RBFOX1: variants seen among roughly 807,000 people sequenced by gnomAD.
RBFOX1 encodes RNA binding protein fox-1 homolog 1.
RBFOX1 carries 8 observed loss-of-function variants against 57.7 expected under a neutral mutation model. The ratio of observed to expected loss-of-function variants is 0.14; its 90% CI spans 0.08 to 0.25. The LOEUF is 0.25. Among genes scored for constraint, RBFOX1 ranks in the 10% least tolerant of loss-of-function variants. The pLI is 1.00. For missense variants in RBFOX1, 611 were observed against 548.5 expected (o/e 1.11, Z -1.14); for synonymous variants, 326 against 222.4 (o/e 1.47, Z -4.15).
chr16:6,818,071 G>C (rs143514073), intron 3 of RBFOX1, among the ~76,000 whole-genome samples: 1 of 152,148 alleles, frequency 6.6e-6, no homozygotes, highest in African/African-American at 2.4e-5. Context: ...AACTATCTTA[G>C]ATGTCATGAT....
At chr16:5,735,951 G>A (rs1441371905) in intron 3 of RBFOX1, among the ~76,000 whole-genome samples, 1 of 152,162 alleles carries the variant, frequency 6.6e-6, no homozygotes, top group South Asian at 2.1e-4. Context: ...CCAGATGGGA[G>A]GAAGGCGCGG....
intron 4 of RBFOX1, among the ~76,000 whole-genome samples, chr16:7,391,806 G>T (rs956871200): frequency 6.6e-6 from 1 of 152,152 alleles, no homozygotes; most frequent in South Asian, 2.1e-4. Context: ...GTCGGTGGAT[G>T]GATGGAGAAA....
chr16:6,795,038 C>T lies in RBFOX1; in HGVS notation c.-16+140388C>T, dbSNP rs145491936. On this transcript the variant is annotated intron_variant, in intron 3 of 15. Transcript: ENST00000550418. Reference sequence around the variant, plus strand: ...GCTTAATTCTCTTTTCGTCATACTGCACATTTTCTCTTGATAGTTGATGTG... The same window carrying T: ...GCTTAATTCTCTTTTCGTCATACTGTACATTTTCTCTTGATAGTTGATGTG... 3.8e-4 allele frequency among the ~76,000 whole-genome samples: 58 copies of T among 152,266 alleles called. 1 individual carries two copies. The East Asian group carries it at 0.01, about 26-fold the overall frequency.
intron 3 of RBFOX1, among the ~76,000 whole-genome samples, chr16:7,001,392 G>T (rs71386444): frequency 0.02 from 1,695 of 83,832 alleles, 14 homozygotes; most frequent in East Asian, 0.041. Context: ...GTATGTGTAT[G>T]TGTATTTGTA....
At chr16:7,101,662 A>T (rs2062714625) in intron 4 of RBFOX1, among the ~76,000 whole-genome samples, 1 of 152,260 alleles carries the variant, frequency 6.6e-6, no homozygotes, top group Middle Eastern at 3.4e-3. Flanking sequence ...TGAAGGCAAG[A>T]TTTTAAGGCA....
At chr16:5,267,297 G>GTT (rs766480719) in intron 1 of RBFOX1, among the ~76,000 whole-genome samples, 3 of 69,026 alleles carry the variant, frequency 4.3e-5, no homozygotes, top group Non-Finnish European at 5.5e-5. Context: ...ACACATAAGG[G>GTT]TTTTTTTTTC....
chr16:7,679,172 ACTTC>A (rs1189638200), intron 14 of RBFOX1, among the ~76,000 whole-genome samples: 1 of 152,228 alleles, frequency 6.6e-6, no homozygotes, highest in Non-Finnish European at 1.5e-5. Context: ...AAATGGTGCT[ACTTC>A]CTTTTATCTG....
At chr16:6,963,358 C>G (rs886863653) in intron 3 of RBFOX1, among the ~76,000 whole-genome samples, 13 of 151,814 alleles carry the variant, frequency 8.6e-5, no homozygotes, top group African/African-American at 1.5e-4. Context: ...GGAATGAAAT[C>G]GAACCTCTAT....
chr16:6,986,197 T>TTTATTTAC (rs1243487280), intron 3 of RBFOX1, among the ~76,000 whole-genome samples: 5 of 150,470 alleles, frequency 3.3e-5, no homozygotes, highest in Non-Finnish European at 7.4e-5. Flanking sequence ...TATTTATTTA[T>TTTATTTAC]TTATTTATTT....
chr16:6,773,495 T>C (rs2078780413), intron 3 of RBFOX1, among the ~76,000 whole-genome samples: 1 of 148,394 alleles, frequency 6.7e-6, no homozygotes, highest in South Asian at 2.2e-4. Context: ...TATATTTGTG[T>C]GTGTCTATGT....
chr16:7,366,245 C>T (rs555485264), intron 4 of RBFOX1, among the ~76,000 whole-genome samples: 5 of 152,330 alleles, frequency 3.3e-5, no homozygotes, highest in South Asian at 2.1e-4. Context: ...ATTGCCAGGA[C>T]ATTTGTAAAT....
intron 3 of RBFOX1, among the ~76,000 whole-genome samples, chr16:6,933,945 T>C (rs751969662): frequency 1.5e-4 from 23 of 152,176 alleles, no homozygotes; most frequent in Non-Finnish European, 3.2e-4. Context: ...CAACATGGTA[T>C]TGAAAAATCA....
intron 3 of RBFOX1, among the ~76,000 whole-genome samples, chr16:6,696,933 C>G (rs1213416360): frequency 6.6e-6 from 1 of 152,186 alleles, no homozygotes; most frequent in Non-Finnish European, 1.5e-5. Flanking sequence ...ATATAAACTC[C>G]AGCAGGCTAA....
chr16:6,413,675 T>C (rs142815373), intron 2 of RBFOX1, among the ~76,000 whole-genome samples: 36 of 152,320 alleles, frequency 2.4e-4, no homozygotes, highest in African/African-American at 7.7e-4. Context: ...AGCCATTTTG[T>C]TGGAAGAAAT....
At chr16:6,370,831 G>C (rs2090328925) in intron 2 of RBFOX1, among the ~76,000 whole-genome samples, 1 of 152,176 alleles carries the variant, frequency 6.6e-6, no homozygotes, top group Non-Finnish European at 1.5e-5. Flanking sequence ...AAATTGGTAA[G>C]TTTTATGTAA....
At chr16:5,929,715 T>A (rs984856782) in intron 4 of RBFOX1, among the ~76,000 whole-genome samples, 16 of 152,164 alleles carry the variant, frequency 1.1e-4, no homozygotes, top group African/African-American at 3.4e-4. Context: ...CTGTTTTTTT[T>A]ATGTTAAAAT....
chr16:6,063,464 GACACACACACACACACAC>G (rs772720519), intron 1 of RBFOX1, among the ~76,000 whole-genome samples: 3 of 86,494 alleles, frequency 3.5e-5, no homozygotes, highest in South Asian at 8.0e-4. Flanking sequence ...CTCTTTCTCC[GACACACACACACACACAC>G]ACACACACAC....
rs542623839 is a variant in RBFOX1 at position 6,155,687 on chromosome 16, C to G, written c.-127+135695C>G. 8.5e-5 allele frequency among the ~76,000 whole-genome samples: 13 copies of G among 152,296 alleles called. No homozygotes were observed. In the East Asian group the frequency reaches 2.5e-3, roughly 29 times the overall value. ...CAACTCTTAACTCCGAGTACAATGA[C>G]CCAGACTCAGACTCCTTGAAGTAGT... On this transcript the variant is annotated intron_variant, in intron 1 of 15. Transcript: ENST00000550418.
chr16:7,541,011 C>T (rs746375363), intron 5 of RBFOX1, among the ~76,000 whole-genome samples: 5 of 152,170 alleles, frequency 3.3e-5, no homozygotes, highest in Non-Finnish European at 7.3e-5. Context: ...GTGAGAGACA[C>T]ATTAGATACC....
Sources: gnomAD v4.1 joint callset for allele counts (sites outside exome capture counted in the v4.1 genomes callset) on GRCh38, gnomAD v4.1.1 for gene constraint, MANE v1.5 for transcripts, NCBI Gene and HGNC (gene_info 2026-07-23, HGNC 2026-07-21) for gene names.